MEGF9: variants seen among roughly 807,000 people sequenced by gnomAD.
MEGF9 encodes the protein multiple epidermal growth factor-like domains protein 9.
Under a neutral mutation model 46.8 loss-of-function variants are expected in MEGF9, and 6 were observed. The observed-to-expected ratio is 0.13, with a 90% CI of 0.07 to 0.25. MEGF9 has a LOEUF of 0.25. MEGF9 is among the 10% of genes least tolerant of loss of function. The probability of loss-of-function intolerance (pLI) is 1.00; values close to 1 mark genes in which losing one functional copy is unlikely to be tolerated. For synonymous variants in MEGF9, 302 were observed against 330.7 expected (o/e 0.91, Z 0.94); for missense variants, 683 against 792.4 (o/e 0.86, Z 1.66).
At chr9:120,699,345 T>A (rs542824625) in intron 1 of MEGF9, among the ~76,000 whole-genome samples, 6 of 152,182 alleles carry the variant, frequency 3.9e-5, no homozygotes, top group Admixed American at 1.3e-4. Flanking sequence ...TAAAAAAGCT[T>A]TATGGGACAG....
intron 1 of MEGF9, among the ~76,000 whole-genome samples, chr9:120,683,209 T>C (rs899183498): frequency 1.3e-5 from 2 of 152,144 alleles, no homozygotes; most frequent in African/African-American, 2.4e-5. Flanking sequence ...CTGGGTCCCA[T>C]CCTAGGCCGA....
At chr9:120,642,599 T>C (rs2043607896) in intron 2 of MEGF9, among the ~76,000 whole-genome samples, 2 of 152,260 alleles carry the variant, frequency 1.3e-5, no homozygotes, top group Non-Finnish European at 2.9e-5. Context: ...TCCTGGATTA[T>C]GCAGCTTCTT....
chr9:120,624,569 T>C (rs970514006), intron 2 of MEGF9, among the ~76,000 whole-genome samples: 16 of 152,286 alleles, frequency 1.1e-4, no homozygotes, highest in African/African-American at 3.6e-4. Context: ...CTTTTCTCTC[T>C]TTTAAAAGAA....
chr9:120,616,355 A>T (rs796868269), intron 3 of MEGF9, among the ~76,000 whole-genome samples: 41 of 152,158 alleles, frequency 2.7e-4, no homozygotes, highest in African/African-American at 9.6e-4. Flanking sequence ...AATAGCTTAC[A>T]ACTCCTCTGT....
intron 1 of MEGF9, among the ~76,000 whole-genome samples, chr9:120,669,915 T>C: frequency 6.6e-6 from 1 of 151,956 alleles, no homozygotes; most frequent in Non-Finnish European, 1.5e-5. Context: ...GGAATTAGAG[T>C]TGGTTAAACT....
intron 1 of MEGF9, among the ~76,000 whole-genome samples, chr9:120,689,687 G>A (rs984056578): frequency 6.6e-6 from 1 of 152,036 alleles, no homozygotes; most frequent in African/African-American, 2.4e-5. Context: ...TTCCCCTATT[G>A]TAGTAAAAAT....
intron 1 of MEGF9, among the ~76,000 whole-genome samples, chr9:120,668,232 TAG>T (rs1251917456): frequency 3.3e-5 from 5 of 152,202 alleles, no homozygotes; most frequent in Non-Finnish European, 2.9e-5. Context: ...AGTCTTACTC[TAG>T]AGTAACATTA....
At chr9:120,606,681 GAAT>G (rs1199329141) in intron 5 of MEGF9, among the ~76,000 whole-genome samples, 1 of 152,134 alleles carries the variant, frequency 6.6e-6, no homozygotes, top group Non-Finnish European at 1.5e-5. Flanking sequence ...TGTAAAATGT[GAAT>G]AATAACATCA....
intron 3 of MEGF9, among the ~76,000 whole-genome samples, chr9:120,613,442 T>G (rs1488471694): frequency 1.3e-5 from 2 of 152,186 alleles, no homozygotes; most frequent in East Asian, 3.9e-4. Context: ...TATACATATA[T>G]ATATAAATAT....
intron 2 of MEGF9, among the ~76,000 whole-genome samples, chr9:120,628,478 T>TTG (rs2043536499): frequency 7.2e-6 from 1 of 138,624 alleles, no homozygotes; most frequent in Admixed American, 7.2e-5. Flanking sequence ...GTTTTTTTTT[T>TTG]TTTTTTTTTT....
At chr9:120,698,236 T>TTTTAC (rs2043887690) in intron 1 of MEGF9, among the ~76,000 whole-genome samples, 2 of 152,194 alleles carry the variant, frequency 1.3e-5, no homozygotes, top group African/African-American at 2.4e-5. Flanking sequence ...CCAATTTTAT[T>TTTTAC]TTTACTTTAC....
intron 1 of MEGF9, among the ~76,000 whole-genome samples, chr9:120,681,812 C>A (rs1321076992): frequency 6.6e-6 from 1 of 152,088 alleles, no homozygotes. Flanking sequence ...ACAGGGAGAG[C>A]AAACACGGAA....
At chr9:120,691,343 C>T (rs2043847096) in intron 1 of MEGF9, 1 of 393,354 alleles carries the variant, frequency 2.5e-6, no homozygotes, top group African/African-American at 2.2e-5. Flanking sequence ...AGGTCATAAC[C>T]CTACTCTGTT....
At position 120,691,375 on chromosome 9, in the gene MEGF9, T is replaced by C. The variant is rs1027051366; in HGVS notation, c.601+22383A>G. The C allele has an allele frequency of 9.3e-6, 4 of 429,910 alleles. No individual in the cohort carries two copies. In the Admixed American group the frequency reaches 1.3e-4, roughly 14 times the overall value. 26.6% of individuals were successfully genotyped at this position (429,910 alleles called of 1,614,324 possible). On this transcript the variant is annotated intron_variant, in intron 1 of 5. Coordinates refer to ENST00000373930, the MANE Select transcript of MEGF9 (RefSeq NM_001080497.3). ...TGTTAATTTTGGTATATATTCAAAA[T>C]TTTCCACAATACAAAAGTTTTTAAG...
Position 120,605,210 on chromosome 9 carries a change from T to G in MEGF9, c.1789A>C (p.Ile597Leu). Residue 597 changes from isoleucine (I) to leucine (L), a missense_variant, in exon 6 of 6, where the codon ATA (isoleucine) becomes CTA (leucine). Ile to Leu is a conservative substitution (Grantham distance 5, BLOSUM62 2). Transcript: ENST00000373930. This position sits in a 1 kb window ranked among gnomAD's most constrained non-coding sequence, Gnocchi z 4.0. ...PNGQLTLTTPIHNYKA is the reference protein window; with the variant it reads ...PNGQLTLTTPLHNYKA Reference sequence around the variant, plus strand: ...GCTCCTTAGGCTTTGTAGTTATGTATGGGCGTCGTCAGGGTCAGCTGCCCA... The same window carrying G: ...GCTCCTTAGGCTTTGTAGTTATGTAGGGGCGTCGTCAGGGTCAGCTGCCCA... 2 of 1,613,648 alleles carry G rather than the reference T, an allele frequency of 1.2e-6. No individual in the cohort carries two copies. Among genetic ancestry groups the G allele is most frequent in the Non-Finnish European group, 1.7e-6 (2 of 1,179,652 alleles).
At chr9:120,649,754 C>G (rs2043641624) in intron 2 of MEGF9, among the ~76,000 whole-genome samples, 1 of 152,052 alleles carries the variant, frequency 6.6e-6, no homozygotes, top group Non-Finnish European at 1.5e-5. Flanking sequence ...AACTTGAACT[C>G]TTGTTTATAT....
Position 120,605,620 on chromosome 9 carries a change from T to A in MEGF9, c.1379A>T (p.Glu460Val). 1 of 1,576,696 alleles carries A rather than the reference T, an allele frequency of 6.3e-7. No homozygotes were observed. The highest frequency in any genetic ancestry group is 8.6e-7 in the Non-Finnish European group (1 of 1,159,474). The change falls in exon 6 of 6, where the codon GAA (glutamate) becomes GTA (valine). Residue 460 changes from glutamate (E) to valine (V), a missense_variant. Glu to Val is a moderately radical substitution (Grantham distance 121, BLOSUM62 -2). Around this residue, in one of 2 missense-constraint regions of MEGF9, gnomAD observed 313 missense variants for 421.1 expected, o/e 0.74. Coordinates refer to ENST00000373930, the MANE Select transcript of MEGF9 (RefSeq NM_001080497.3). This position sits in a 1 kb window ranked among gnomAD's most constrained non-coding sequence, Gnocchi z 4.0. The stretch of plus-strand genomic sequence containing the variant: ...ATTGGAAACCAAAATGGTAGAACCT[T>A]CAGGTGTTGGAAGAATAACTTCTGA... ...IKKEVILPTP[E>V]GSTILVSNAS...
At chr9:120,703,502 G>A (rs553163783) in intron 1 of MEGF9, among the ~76,000 whole-genome samples, 23 of 152,214 alleles carry the variant, frequency 1.5e-4, no homozygotes, top group African/African-American at 4.8e-4. Flanking sequence ...CACGATGTAC[G>A]TAAAAAAATC....
chr9:120,686,877 T>A (rs997067282), intron 1 of MEGF9, among the ~76,000 whole-genome samples: 2 of 152,218 alleles, frequency 1.3e-5, no homozygotes, highest in Non-Finnish European at 2.9e-5. Flanking sequence ...AAGCCCTGTC[T>A]TGGTTGGCAA....
Sources: gnomAD v4.1 joint callset for allele counts (sites outside exome capture counted in the v4.1 genomes callset) on GRCh38, gnomAD v4.1.1 for gene constraint, gnomAD v4.1.1 regional missense constraint, Gnocchi (gnomAD v3.1) non-coding constraint, MANE v1.5 for transcripts, NCBI Gene and HGNC (gene_info 2026-07-23, HGNC 2026-07-21) for gene names.